Variants in DCHS2 observed in about 807,000 individuals in gnomAD.
DCHS2 encodes dachsous cadherin-related 2.
Under a neutral mutation model 182.4 loss-of-function variants are expected in DCHS2, and 142 were observed. That is an observed-to-expected ratio of 0.78 (90% CI 0.68 to 0.89). DCHS2 has a LOEUF of 0.89. Ranked by LOEUF, DCHS2 falls within the 40% of genes least tolerant of loss-of-function variation. The pLI, the probability that DCHS2 is intolerant of heterozygous loss-of-function variation, is 0.00. For synonymous variants in DCHS2, 1,740 were observed against 1,663.3 expected (o/e 1.05, Z -1.12); for missense variants, 4,319 against 4,198.6 (o/e 1.03, Z -0.79).
intron 7 of DCHS2, chr4:154,322,699 G>C: frequency 1.8e-6 from 1 of 568,436 alleles, no homozygotes; most frequent in Non-Finnish European, 2.8e-6. Flanking sequence ...TGGACAAAAT[G>C]GTATAATAAA....
rs200547495 is a variant in DCHS2, at chr4:154,302,981, ATAT to A, written c.5605+1685_5605+1687del. The stretch of plus-strand genomic sequence containing the variant: ...CACACACACACACCCACACACACAC[ATAT>A]TTTTTTTTTTTTTTGAGACAAAGTC... On this transcript the variant is annotated intron_variant, in intron 12 of 19. Transcript: ENST00000357232. 6.2e-4 allele frequency among the ~76,000 whole-genome samples: 56 copies of A among 90,402 alleles called. 2 individuals are homozygous for A. Among genetic ancestry groups the A allele is most frequent in the Middle Eastern group, 0.012 (2 of 164 alleles). 59.3% of individuals were successfully genotyped at this position (90,402 alleles called of 152,430 possible). A position where few individuals can be genotyped will look rare whatever the true frequency, so the allele number is the denominator to read the frequency against.
At position 154,490,607 on chromosome 4, in the gene DCHS2, A is replaced by T. The variant is rs1008076028; in HGVS notation, c.749T>A (p.Leu250Gln). ...CTCCTCTCGGTCCAAGCGCCGCAGC[A>T]GCACCAGATCTAGAGGCTCCAGGGG... ...SSPLEPLDLV[L>Q]LRRLDREEAA... The change falls in exon 1 of 20, where the codon CTG becomes CAG. Residue 250 changes from leucine to glutamine, a missense_variant. Physicochemically the swap from Leu to Gln is moderately radical, Grantham distance 113 (BLOSUM62 -2). Coordinates refer to ENST00000357232, the MANE Select transcript of DCHS2 (RefSeq NM_001358235.2). 51 of 1,548,444 alleles carry T rather than the reference A, an allele frequency of 3.3e-5. No individual in the cohort carries two copies. In the African/African-American group the frequency reaches 6.6e-4, roughly 20 times the overall value.
At chr4:154,459,784 ATGTC>A (rs1734937578) in intron 1 of DCHS2, among the ~76,000 whole-genome samples, 1 of 88,772 alleles carries the variant, frequency 1.1e-5, no homozygotes, top group Non-Finnish European at 2.4e-5. Flanking sequence ...CTCTCTCTCT[ATGTC>A]TATCTCCCTC....
chr4:154,460,556 AT>A (rs1167144778), intron 1 of DCHS2, among the ~76,000 whole-genome samples: 1 of 152,156 alleles, frequency 6.6e-6, no homozygotes, highest in Non-Finnish European at 1.5e-5. Context: ...TAGCAATGTT[AT>A]TACTTAGTAT....
At chr4:154,253,678 A>G (rs1048018425) in intron 16 of DCHS2, among the ~76,000 whole-genome samples, 4 of 152,238 alleles carry the variant, frequency 2.6e-5, no homozygotes, top group Non-Finnish European at 4.4e-5. Context: ...TTTAAAATTT[A>G]TAATAGTTAA....
intron 1 of DCHS2, among the ~76,000 whole-genome samples, chr4:154,438,203 G>A (rs187294136): frequency 5.3e-4 from 80 of 152,232 alleles, no homozygotes; most frequent in African/African-American, 1.9e-3. Flanking sequence ...CACTGAAATG[G>A]CACAAGGTAT....
At position 154,329,553 on chromosome 4, in the gene DCHS2, C is replaced by A; in HGVS notation, c.3888G>T (p.Gln1296His). 8 of 1,613,698 alleles carry A rather than the reference C, an allele frequency of 5.0e-6. No homozygotes were observed. Among genetic ancestry groups the A allele is most frequent in the Middle Eastern group, 1.7e-4 (1 of 5,850 alleles). Reference sequence around the variant, plus strand: ...CGTGTAACTCCTTTCCAGGGAGACACTGGGGGAAGAAGGGCCTGTTATCAT... The same window carrying A: ...CGTGTAACTCCTTTCCAGGGAGACAATGGGGGAAGAAGGGCCTGTTATCAT... ...DINDNRPFFP[Q>H]CLPGKELHVK... is the part of the protein sequence containing the mutation. Residue 1296 changes from glutamine (Q) to histidine (H), a missense_variant, in exon 6 of 20, where the codon CAG (glutamine) becomes CAT (histidine). Coordinates refer to ENST00000357232, the MANE Select transcript of DCHS2 (RefSeq NM_001358235.2).
intron 3 of DCHS2, among the ~76,000 whole-genome samples, chr4:154,361,924 T>C (rs543375001): frequency 6.6e-6 from 1 of 152,196 alleles, no homozygotes; most frequent in African/African-American, 2.4e-5. Context: ...AAATAGCATG[T>C]CTGATAAAGA....
intron 14 of DCHS2, among the ~76,000 whole-genome samples, chr4:154,261,546 TC>T (rs1296468208): frequency 6.6e-6 from 1 of 152,176 alleles, no homozygotes; most frequent in Non-Finnish European, 1.5e-5. Context: ...TGAATCAGCT[TC>T]CCCAGATAAC....
chr4:154,313,352 A>T (rs570206531), intron 10 of DCHS2, among the ~76,000 whole-genome samples: 2 of 152,280 alleles, frequency 1.3e-5, no homozygotes, highest in East Asian at 3.9e-4. Context: ...AGCTAATGTG[A>T]GTCATATACC....
rs1398536970 is a variant in DCHS2 at position 154,298,585 on chromosome 4, T to G, written c.5729A>C (p.Asp1910Ala). 1.2e-6 allele frequency: 2 copies of G among 1,613,980 alleles called. No individual in the cohort carries two copies. Among genetic ancestry groups the G allele is most frequent in the African/African-American group, 2.7e-5 (2 of 74,916 alleles). ...TLVILCSDLG[D>A]PPRSSVIHLQ... is the part of the protein sequence containing the mutation. ...GTGTATTACAGAGCTCCTAGGTGGA[T>G]CTCCCAGGTCAGAGCACAGAATGAC... Residue 1910 changes from aspartate to alanine, a missense_variant, in exon 13 of 20, where the codon GAT becomes GCT. By Grantham distance (126) the Asp-to-Ala change is moderately radical (BLOSUM62 -2). Coordinates refer to ENST00000357232, the MANE Select transcript of DCHS2 (RefSeq NM_001358235.2).
chr4:154,371,044 C>A (rs1168750828), intron 2 of DCHS2, among the ~76,000 whole-genome samples: 2 of 152,094 alleles, frequency 1.3e-5, no homozygotes, highest in East Asian at 1.9e-4. Flanking sequence ...TGGTGACAAT[C>A]CTTGGAAATG....
intron 1 of DCHS2, among the ~76,000 whole-genome samples, chr4:154,451,568 TTA>T (rs1055984745): frequency 6.6e-6 from 1 of 152,088 alleles, no homozygotes; most frequent in African/African-American, 2.4e-5. Context: ...AACTACAACC[TTA>T]TGGGAGAAAA....
chr4:154,339,938 T>C (rs1728987157), intron 3 of DCHS2, among the ~76,000 whole-genome samples: 2 of 152,224 alleles, frequency 1.3e-5, no homozygotes, highest in South Asian at 4.1e-4. Flanking sequence ...AGGGAAGTCA[T>C]CTTTGTGTGT....
At chr4:154,333,728 C>A (rs1443241405) in intron 4 of DCHS2, 2 of 547,994 alleles carry the variant, frequency 3.6e-6, no homozygotes, top group Admixed American at 3.2e-5. Context: ...GTATTAAGTG[C>A]AGTAATATGC....
intron 3 of DCHS2, among the ~76,000 whole-genome samples, chr4:154,353,956 T>C (rs1383891632): frequency 6.6e-6 from 1 of 152,196 alleles, no homozygotes; most frequent in Non-Finnish European, 1.5e-5. Flanking sequence ...AGACAGGATC[T>C]CACTCTGTCA....
rs761636093 is a variant in DCHS2 at position 154,269,885 on chromosome 4, G to T, written c.6577+15C>A. ...GAGCAGAAAATAAAGCTAGTATAGG[G>T]TAGAGAAGGATTACCTGACTTAGAG... On this transcript the variant is annotated intron_variant, in intron 14 of 19. Transcript: ENST00000357232. 27 of 1,607,280 alleles carry T rather than the reference G, an allele frequency of 1.7e-5. No homozygotes were observed. The South Asian group carries it at 2.8e-4, about 17-fold the overall frequency.
chr4:154,448,993 C>T (rs760715908), intron 1 of DCHS2, among the ~76,000 whole-genome samples: 12 of 152,160 alleles, frequency 7.9e-5, no homozygotes, highest in Non-Finnish European at 1.5e-4. Flanking sequence ...GTAAACTCCT[C>T]AGGGAAGAAA....
intron 1 of DCHS2, among the ~76,000 whole-genome samples, chr4:154,450,821 C>G (rs2110976074): frequency 6.6e-6 from 1 of 151,862 alleles, no homozygotes; most frequent in South Asian, 2.1e-4. Context: ...AAACTCCCAT[C>G]TCAGAAAAAA....
Sources: allele counts gnomAD v4.1 joint callset (sites outside exome capture counted in the v4.1 genomes callset), GRCh38; gene constraint gnomAD v4.1.1; transcripts MANE v1.5; gene names NCBI Gene and HGNC (gene_info 2026-07-23, HGNC 2026-07-21).